Variants in TMPO observed in about 807,000 individuals in gnomAD.
The protein encoded by TMPO is LEM domain containing 4.
Under a neutral mutation model 45.4 loss-of-function variants are expected in TMPO, and 22 were observed. The ratio of observed to expected loss-of-function variants is 0.48; its 90% CI spans 0.35 to 0.69. TMPO has a LOEUF of 0.69. TMPO is among the 30% of genes least tolerant of loss of function. TMPO has a pLI of 0.01. For synonymous variants in TMPO, 241 were observed against 204.1 expected (o/e 1.18, Z -1.54); for missense variants, 512 against 548.8 (o/e 0.93, Z 0.67).
chr12:98,535,302 A>G, intron 3 of TMPO: 1 of 982,542 alleles, frequency 1.0e-6, no homozygotes. Context: ...AAGAAATTAT[A>G]CTATATCCCA....
At position 98,533,923 on chromosome 12, in the gene TMPO, G is replaced by A. The variant is rs769043908; in HGVS notation, c.565+2085G>A. 1.2e-6 allele frequency: 2 copies of A among 1,614,110 alleles called. No homozygotes were observed. Among genetic ancestry groups the A allele is most frequent in the East Asian group, 4.5e-5 (2 of 44,894 alleles). On this transcript the variant is annotated intron_variant, in intron 3 of 8. Transcript: ENST00000556029. ...CACTCCACTAGGAGGTATTCAAGCA[G>A]CCTCCACTGAGTCTTGCAATCAGCA...
chr12:98,549,424 A>G lies in TMPO; in HGVS notation c.*1566A>G, dbSNP rs1878405949. ...TGATCAGCCCACCTCAGCTTCCCAA[A>G]GTGCTGGGATTACAGGTGTGATCCA... On this transcript the variant is annotated 3_prime_UTR_variant, in exon 9 of 9. Coordinates refer to ENST00000556029, the MANE Select transcript of TMPO (RefSeq NM_001032283.3). The G allele has an allele frequency of 8.5e-6, 1 of 117,324 alleles. No homozygotes were observed. Among genetic ancestry groups the G allele is most frequent in the South Asian group, 2.9e-4 (1 of 3,488 alleles). The allele number at this position is 117,324 out of a possible 1,614,324, so 7.3% of individuals were successfully genotyped here.
intron 3 of TMPO, chr12:98,533,362 AT>A: frequency 6.2e-7 from 1 of 1,614,142 alleles, no homozygotes; most frequent in Non-Finnish European, 8.5e-7. Context: ...CTCACAACTA[AT>A]TTCTCCGCCA....
At chr12:98,540,988 A>G (rs1446930490) in intron 4 of TMPO, among the ~76,000 whole-genome samples, 3 of 152,228 alleles carry the variant, frequency 2.0e-5, no homozygotes, top group Non-Finnish European at 2.9e-5. Context: ...GCCTAGGTCT[A>G]TTATTTTGAG....
rs1443367845 is a variant in TMPO at position 98,549,643 on chromosome 12, A to G, written c.*1785A>G. ...AGTTTCAACTTTACAGTCATTGACC[A>G]TAAAGCACACTAAAAATGTAAGTTA... On this transcript the variant is annotated 3_prime_UTR_variant, in exon 9 of 9. Transcript: ENST00000556029. The G allele has an allele frequency of 1.3e-5, 2 of 152,244 alleles. No homozygotes were observed. Among genetic ancestry groups the G allele is most frequent in the Admixed American group, 6.5e-5 (1 of 15,282 alleles). The allele number at this position is 152,244 out of a possible 1,614,324, so 9.4% of individuals were successfully genotyped here.
Position 98,548,282 on chromosome 12 carries a change from C to A in TMPO, c.*424C>A. ...ATTATTCTCTGCTGAATAAAAACTG[C>A]AAATATGTGAAACATAATGAAATTC... On this transcript the variant is annotated 3_prime_UTR_variant, in exon 9 of 9. Transcript: ENST00000556029. The A allele has an allele frequency of 6.3e-6, 1 of 158,814 alleles. No individual in the cohort carries two copies. The highest frequency in any genetic ancestry group is 1.8e-4 in the South Asian group (1 of 5,580). The allele number at this position is 158,814 out of a possible 1,614,324, so 9.8% of individuals were successfully genotyped here.
At position 98,534,596 on chromosome 12, in the gene TMPO, C is replaced by A. The variant is rs2043923; in HGVS notation, c.565+2758C>A. ...CACATATTAGTCTCTAAGTTGTTTT[C>A]TGTTTCCTGCTTTACTTATGTTTTT... On this transcript the variant is annotated intron_variant, in intron 3 of 8. Coordinates refer to ENST00000556029, the MANE Select transcript of TMPO (RefSeq NM_001032283.3). The A allele has an allele frequency of 4.0e-5, 50 of 1,250,922 alleles. No individual in the cohort carries two copies. In the African/African-American group the frequency reaches 7.2e-4, roughly 18 times the overall value. 77.5% of individuals were successfully genotyped at this position (1,250,922 alleles called of 1,614,324 possible).
Position 98,531,805 on chromosome 12 carries a change from A to C in TMPO, c.532A>C (p.Asn178His), listed in dbSNP as rs1263874530. The C allele has an allele frequency of 1.2e-6, 2 of 1,613,826 alleles. No individual in the cohort carries two copies. The highest frequency in any genetic ancestry group is 2.2e-5 in the South Asian group (2 of 91,046). The change falls in exon 3 of 9, where the codon AAT (asparagine) becomes CAT (histidine). Residue 178 changes from asparagine (N) to histidine (H), a missense_variant. Physicochemically the swap from Asn to His is moderately conservative, Grantham distance 68. Coordinates refer to ENST00000556029, the MANE Select transcript of TMPO (RefSeq NM_001032283.3). ...SAENTRQNGS[N>H]DSDRYSDNEE... The stretch of plus-strand genomic sequence containing the variant: ...AGAAAATACAAGGCAGAATGGAAGT[A>C]ATGATTCTGACAGATACAGTGACAA...
At chr12:98,542,865 TAAATA>T (rs1877998734) in intron 4 of TMPO, among the ~76,000 whole-genome samples, 1 of 151,932 alleles carries the variant, frequency 6.6e-6, no homozygotes, top group Non-Finnish European at 1.5e-5. Context: ...CTCAAAAAAA[TAAATA>T]AAATAAAAAT....
Position 98,547,874 on chromosome 12 carries a change from C to T in TMPO, c.*16C>T, listed in dbSNP as rs762240701. 23 of 1,613,186 alleles carry T rather than the reference C, an allele frequency of 1.4e-5. No individual in the cohort carries two copies. The highest frequency in any genetic ancestry group is 1.6e-4 in the Middle Eastern group (1 of 6,076). ...ATCCAACTGAATGGTATCTCTTTGG[C>T]ACGTTCAACTTGGTCTCCTATTTTC... On this transcript the variant is annotated 3_prime_UTR_variant, in exon 9 of 9. Transcript: ENST00000556029.
chr12:98,518,656 G>GT (rs1028528165), intron 1 of TMPO, among the ~76,000 whole-genome samples: 11 of 151,870 alleles, frequency 7.2e-5, no homozygotes, highest in Admixed American at 7.2e-4. Context: ...GTAAAAGAGA[G>GT]TTTATGTCCC....
At chr12:98,533,790 G>A (rs1204794646) in intron 3 of TMPO, 1 of 1,614,078 alleles carries the variant, frequency 6.2e-7, no homozygotes, top group African/African-American at 1.3e-5. Context: ...AAGTTGACAG[G>A]CAGCTGCCTT....
intron 4 of TMPO, among the ~76,000 whole-genome samples, chr12:98,537,882 A>G (rs552547468): frequency 6.6e-6 from 1 of 152,044 alleles, no homozygotes; most frequent in Non-Finnish European, 1.5e-5. Flanking sequence ...CTTTTGATAC[A>G]ATTTCTTTAA....
At chr12:98,545,199 A>G in intron 7 of TMPO, 138 bp downstream of exon 7, 2 of 655,046 alleles carry the variant, frequency 3.1e-6, no homozygotes, top group Non-Finnish European at 5.2e-6. Context: ...GTAAATATGC[A>G]TAAATTATTT....
At chr12:98,534,516 C>T (rs2121212758) in intron 3 of TMPO, 1 of 1,421,902 alleles carries the variant, frequency 7.0e-7, no homozygotes, top group South Asian at 1.5e-5. Context: ...CTTGTCTTTT[C>T]TAAAGATTTG....
intron 1 of TMPO, among the ~76,000 whole-genome samples, chr12:98,518,394 A>T (rs1049340417): frequency 6.6e-6 from 1 of 150,852 alleles, no homozygotes; most frequent in Admixed American, 6.6e-5. Context: ...TTGGCTCACG[A>T]GAGCCTCCTG....
At chr12:98,526,131 T>C (rs1876745971) in intron 1 of TMPO, among the ~76,000 whole-genome samples, 1 of 152,234 alleles carries the variant, frequency 6.6e-6, no homozygotes, top group Admixed American at 6.5e-5. Context: ...AAATTTTCCC[T>C]CAAAGTTTGT....
intron 3 of TMPO, chr12:98,533,763 TGAA>T: frequency 6.2e-7 from 1 of 1,614,200 alleles, no homozygotes; most frequent in Non-Finnish European, 8.5e-7. Flanking sequence ...TAAAAGTAAT[TGAA>T]GAAGAATGGC....
At chr12:98,520,693 G>A (rs1003757978) in intron 1 of TMPO, among the ~76,000 whole-genome samples, 5 of 150,938 alleles carry the variant, frequency 3.3e-5, no homozygotes, top group African/African-American at 9.8e-5. Flanking sequence ...GTGCAATCTC[G>A]GCTCCCTGCA....
Sources: allele counts gnomAD v4.1 joint callset (sites outside exome capture counted in the v4.1 genomes callset), GRCh38; gene constraint gnomAD v4.1.1; transcripts MANE v1.5; gene names NCBI Gene and HGNC (gene_info 2026-07-23, HGNC 2026-07-21).